The following CIT variants were observed in gnomAD, a reference collection of about 807,000 sequenced individuals.
CIT encodes citron Rho-interacting kinase.
CIT carries 79 observed loss-of-function variants against 272.7 expected under a neutral mutation model. That is an observed-to-expected ratio of 0.29 (90% CI 0.24 to 0.35). CIT has a LOEUF of 0.35. Among genes scored for constraint, CIT ranks in the 10% least tolerant of loss-of-function variants. The probability of loss-of-function intolerance (pLI) is 1.00; values close to 1 mark genes in which losing one functional copy is unlikely to be tolerated. For missense variants in CIT, 1,909 were observed against 2,618.3 expected (o/e 0.73, Z 5.91); for synonymous variants, 948 against 995.6 (o/e 0.95, Z 0.90).
chr12:119,781,753 G>A (rs959143416), intron 13 of CIT, among the ~76,000 whole-genome samples: 1 of 152,212 alleles, frequency 6.6e-6, no homozygotes, highest in Non-Finnish European at 1.5e-5. Flanking sequence ...GATAGGCAGT[G>A]TTAATCCTGA....
intron 3 of CIT, among the ~76,000 whole-genome samples, chr12:119,860,125 G>GT (rs1950293089): frequency 6.6e-6 from 1 of 152,130 alleles, no homozygotes; most frequent in African/African-American, 2.4e-5. Context: ...GCCTGCAACT[G>GT]TAACTACTCT....
intron 22 of CIT, among the ~76,000 whole-genome samples, chr12:119,753,533 G>A (rs370295247): frequency 9.9e-5 from 15 of 152,094 alleles, no homozygotes; most frequent in Middle Eastern, 3.4e-3. Context: ...TCAGGAGTTC[G>A]AGACCAGCCT....
chr12:119,743,467 T>G (rs1593557567), intron 23 of CIT, among the ~76,000 whole-genome samples: 2 of 151,492 alleles, frequency 1.3e-5, no homozygotes, highest in African/African-American at 4.9e-5. Flanking sequence ...TAGAGCAGAG[T>G]TTTTCAAACT....
intron 23 of CIT, among the ~76,000 whole-genome samples, chr12:119,744,526 T>C (rs367740522): frequency 3.3e-5 from 5 of 151,594 alleles, no homozygotes; most frequent in Admixed American, 2.0e-4. Context: ...ATTAAGACCA[T>C]CCTGGCTAAC....
At chr12:119,736,254 T>C (rs1256678578) in intron 24 of CIT, among the ~76,000 whole-genome samples, 1 of 152,162 alleles carries the variant, frequency 6.6e-6, no homozygotes, top group Admixed American at 6.5e-5. Flanking sequence ...AAGAAGGAAA[T>C]TAAAAGGAAA....
In CIT at chr12:119,686,093, C is replaced by T. The variant is rs1955565886; in HGVS notation, c.*2139G>A. 6.6e-6 allele frequency: 1 copy of T among 152,220 alleles called. No homozygotes were observed. The highest frequency in any genetic ancestry group is 6.6e-5 in the Admixed American group (1 of 15,232). 9.4% of individuals were successfully genotyped at this position (152,220 alleles called of 1,614,324 possible). ...AACCAAAAGTAAGTGTTGAAAAATG[C>T]ACCTTTTACAATAAAAAAGTAGAAA... On this transcript the variant is annotated 3_prime_UTR_variant, in exon 48 of 48. Coordinates refer to ENST00000392521, the MANE Select transcript of CIT (RefSeq NM_001206999.2).
chr12:119,783,821 G>T, intron 12 of CIT, 87 bp downstream of exon 12: 1 of 1,451,804 alleles, frequency 6.9e-7, no homozygotes, highest in Non-Finnish European at 9.3e-7. Flanking sequence ...GCTGTGATGT[G>T]CCTCATGGAG....
intron 28 of CIT, among the ~76,000 whole-genome samples, chr12:119,724,764 C>T (rs1957991205): frequency 6.6e-6 from 1 of 151,672 alleles, no homozygotes; most frequent in Non-Finnish European, 1.5e-5. Flanking sequence ...GTGGTGAAAC[C>T]CTGTCTCTAC....
intron 10 of CIT, among the ~76,000 whole-genome samples, chr12:119,791,605 G>A (rs899317916): frequency 6.6e-6 from 1 of 152,208 alleles, no homozygotes; most frequent in African/African-American, 2.4e-5. Flanking sequence ...GCCACATCTC[G>A]GATACACAGC....
In CIT at chr12:119,752,031, T is replaced by C. The variant is rs763072953; in HGVS notation, c.2904+19A>G. On this transcript the variant is annotated intron_variant, in intron 23 of 47. Coordinates refer to ENST00000392521, the MANE Select transcript of CIT (RefSeq NM_001206999.2). ...GCTGAGGCCTTTAGCAACCTGAAGA[T>C]GTTGCTCCCCAGACCTACCGTGAGT... is the stretch of plus-strand genomic sequence containing the variant. The C allele has an allele frequency of 1.9e-6, 3 of 1,599,754 alleles. No individual in the cohort carries two copies. Among genetic ancestry groups the C allele is most frequent in the Non-Finnish European group, 2.6e-6 (3 of 1,170,988 alleles).
chr12:119,733,017 T>C (rs1958550396), intron 26 of CIT, among the ~76,000 whole-genome samples: 1 of 152,232 alleles, frequency 6.6e-6, no homozygotes, highest in Non-Finnish European at 1.5e-5. Flanking sequence ...AAAACACTTT[T>C]CTGCCATGAG....
At chr12:119,805,559 T>C (rs1323748934) in intron 9 of CIT, among the ~76,000 whole-genome samples, 3 of 152,196 alleles carry the variant, frequency 2.0e-5, no homozygotes, top group Non-Finnish European at 4.4e-5. Context: ...CAGAGACACA[T>C]CCATGTGGAT....
In CIT at chr12:119,825,308, T is replaced by A. The variant is rs1202085342; in HGVS notation, c.814A>T (p.Met272Leu). The A allele has an allele frequency of 6.2e-7, 1 of 1,614,028 alleles. No individual in the cohort carries two copies. Among genetic ancestry groups the A allele is most frequent in the Non-Finnish European group, 8.5e-7 (1 of 1,180,030 alleles). ...DYMAPEVLTV[M>L]NGDGKGTYGL... ...TAGGTGCCTTTTCCATCCCCGTTCA[T>A]CACAGTCAGCACTTCAGGAGCCATG... Residue 272 changes from methionine (M) to leucine (L), a missense_variant, in exon 8 of 48, where the codon ATG (methionine) becomes TTG (leucine). Around this residue, in one of 8 missense-constraint regions of CIT, gnomAD observed 529 missense variants for 549.6 expected, o/e 0.96. Transcript: ENST00000392521.
intron 9 of CIT, 51 bp from the exon 10 acceptor site, chr12:119,803,440 C>CGGATTCAACACTG (rs1469225526): frequency 1.5e-6 from 2 of 1,318,328 alleles, no homozygotes; most frequent in African/African-American, 3.0e-5. Flanking sequence ...AAATTTCAGC[C>CGGATTCAACACTG]GGATTCAACA....
chr12:119,735,067 C>A, intron 25 of CIT, 93 bp downstream of exon 25: 1 of 1,144,324 alleles, frequency 8.7e-7, no homozygotes, highest in Non-Finnish European at 1.3e-6. Flanking sequence ...GTATGAGGTT[C>A]AGTGTTGGAA....
intron 2 of CIT, among the ~76,000 whole-genome samples, chr12:119,873,374 C>A (rs1274219655): frequency 6.6e-6 from 1 of 151,170 alleles, no homozygotes; most frequent in East Asian, 1.9e-4. Flanking sequence ...GCCTCTAGGG[C>A]TCAAGTGATC....
intron 16 of CIT, among the ~76,000 whole-genome samples, chr12:119,774,124 G>A (rs147918653): frequency 2.6e-5 from 4 of 152,344 alleles, no homozygotes; most frequent in African/African-American, 9.6e-5. Flanking sequence ...ACAGAAAGTA[G>A]AAAGGTAGGG....
At position 119,770,595 on chromosome 12, in the gene CIT, A is replaced by G. The variant is rs538591016; in HGVS notation, c.2208+190T>C. On this transcript the variant is annotated intron_variant, in intron 18 of 47. Coordinates refer to ENST00000392521, the MANE Select transcript of CIT (RefSeq NM_001206999.2). The surrounding 1 kb of genome is among the most constrained non-coding windows in gnomAD (Gnocchi z 4.4). ...AAACGATATTTACGGATCTGTTACC[A>G]GTGCTGAAATGTCCGTTATTTGGTT... 2.7e-4 allele frequency among the ~76,000 whole-genome samples: 41 copies of G among 151,702 alleles called. No individual in the cohort carries two copies. Among genetic ancestry groups the G allele is most frequent in the African/African-American group, 8.9e-4 (37 of 41,398 alleles).
chr12:119,785,592 C>T (rs974574038), intron 10 of CIT, among the ~76,000 whole-genome samples: 5 of 151,614 alleles, frequency 3.3e-5, no homozygotes, highest in African/African-American at 9.7e-5. Context: ...GAAACAGGGT[C>T]GCGTTCTGTT....
Sources: gnomAD v4.1 joint callset for allele counts (sites outside exome capture counted in the v4.1 genomes callset) on GRCh38, gnomAD v4.1.1 for gene constraint, gnomAD v4.1.1 regional missense constraint, Gnocchi (gnomAD v3.1) non-coding constraint, MANE v1.5 for transcripts, NCBI Gene and HGNC (gene_info 2026-07-23, HGNC 2026-07-21) for gene names.